The following ADGRL3 variants were observed in gnomAD, a reference collection of about 807,000 sequenced individuals.
ADGRL3 encodes the protein calcium-independent alpha-latrotoxin receptor 3.
Under a neutral mutation model 153.5 loss-of-function variants are expected in ADGRL3, and 62 were observed. That is an observed-to-expected ratio of 0.40 (90% CI 0.33 to 0.50). The LOEUF is 0.50. Among genes scored for constraint, ADGRL3 ranks in the 20% least tolerant of loss-of-function variants. The pLI is 0.47. For missense variants in ADGRL3, 1,641 were observed against 1,859.4 expected (o/e 0.88, Z 2.16); for synonymous variants, 710 against 672.5 (o/e 1.06, Z -0.86).
chr4:61,534,915 G>T (rs1283768836), intron 4 of ADGRL3, among the ~76,000 whole-genome samples: 1 of 151,930 alleles, frequency 6.6e-6, no homozygotes, highest in Non-Finnish European at 1.5e-5. Flanking sequence ...TTCCAATTTG[G>T]ATGCCTGTTA....
At chr4:61,342,802 T>C (rs2095832692) in intron 1 of ADGRL3, among the ~76,000 whole-genome samples, 1 of 152,160 alleles carries the variant, frequency 6.6e-6, no homozygotes, top group South Asian at 2.1e-4. Context: ...CTTAACCATC[T>C]CTAGTAGCCT....
At chr4:61,754,368 TC>T (rs2096794434) in intron 8 of ADGRL3, among the ~76,000 whole-genome samples, 1 of 152,152 alleles carries the variant, frequency 6.6e-6, no homozygotes, top group South Asian at 2.1e-4. Flanking sequence ...ATTTTATTTT[TC>T]TTTATAGTTT....
chr4:61,200,807 A>G lies in ADGRL3; in HGVS notation c.-1198A>G, dbSNP rs1418782050. Among the ~76,000 whole-genome samples, 1 of 150,206 alleles carries G rather than the reference A, an allele frequency of 6.7e-6. No individual in the cohort carries two copies. The highest frequency in any genetic ancestry group is 2.5e-5 in the African/African-American group (1 of 40,804). ...CGAAGAGACAGCGGCGGCGGCGCAG[A>G]GCCCGGGGCCGCGCGATGAAGCTCC... On this transcript the variant is annotated 5_prime_UTR_variant, in exon 1 of 27. Transcript: ENST00000683033.
At chr4:61,630,439 G>T (rs2093090955) in intron 5 of ADGRL3, among the ~76,000 whole-genome samples, 1 of 152,190 alleles carries the variant, frequency 6.6e-6, no homozygotes, top group Non-Finnish European at 1.5e-5. Flanking sequence ...ACTTCATGTT[G>T]TCCTGGGACA....
intron 1 of ADGRL3, among the ~76,000 whole-genome samples, chr4:61,364,319 G>A (rs1335909182): frequency 4.6e-5 from 6 of 129,622 alleles, no homozygotes; most frequent in Admixed American, 1.8e-4. Context: ...GTGACAGAGT[G>A]AGACTCCGTC....
chr4:61,448,452 TAC>T (rs2097615668), intron 2 of ADGRL3, among the ~76,000 whole-genome samples: 1 of 152,188 alleles, frequency 6.6e-6, no homozygotes, highest in Non-Finnish European at 1.5e-5. Flanking sequence ...TTGGGTTAGT[TAC>T]TTTACCTATC....
At chr4:61,339,242 C>T (rs189626094) in intron 1 of ADGRL3, among the ~76,000 whole-genome samples, 62 of 152,170 alleles carry the variant, frequency 4.1e-4, no homozygotes, top group Middle Eastern at 6.8e-3. Context: ...TGAACAACCC[C>T]GTAACACAAT....
intron 25 of ADGRL3, among the ~76,000 whole-genome samples, chr4:62,061,699 T>C (rs555927920): frequency 6.6e-6 from 1 of 152,082 alleles, no homozygotes; most frequent in African/African-American, 2.4e-5. Flanking sequence ...CACGTATAAA[T>C]GGAATTACAC....
intron 2 of ADGRL3, among the ~76,000 whole-genome samples, chr4:61,428,684 T>C (rs942175356): frequency 2.0e-4 from 30 of 152,182 alleles, no homozygotes; most frequent in African/African-American, 7.2e-4. Flanking sequence ...ATTGGAGTGA[T>C]AATAGTGGCC....
intron 8 of ADGRL3, among the ~76,000 whole-genome samples, chr4:61,801,890 A>T (rs754401892): frequency 6.6e-6 from 1 of 152,198 alleles, no homozygotes; most frequent in Non-Finnish European, 1.5e-5. Flanking sequence ...TGTTCTCTGC[A>T]TATATGTAAA....
chr4:61,852,553 G>A (rs977582073), intron 9 of ADGRL3, among the ~76,000 whole-genome samples: 1 of 152,006 alleles, frequency 6.6e-6, no homozygotes, highest in Non-Finnish European at 1.5e-5. Flanking sequence ...GACCTCAAGC[G>A]ATCCGCCCGC....
At position 61,892,843 on chromosome 4, in the gene ADGRL3, G is replaced by A. The variant is rs773511032; in HGVS notation, c.1668G>A (p.Ser556=). The change falls in exon 10 of 27, where the codon TCG becomes TCA. Residue 556 remains serine, a synonymous_variant. Coordinates refer to ENST00000683033, the MANE Select transcript of ADGRL3 (RefSeq NM_001387552.1). ...DDMTTHLPSA[S]SQIPALEESC... ...TGACCACACACCTTCCATCAGCATC[G>A]TCCCAAATCCCAGCTCTCGAAGAGA... 2.4e-5 allele frequency: 38 copies of A among 1,613,380 alleles called. No homozygotes were observed. In the East Asian group the frequency reaches 3.8e-4, roughly 16 times the overall value.
At chr4:61,734,588 G>T (rs1248085206) in intron 8 of ADGRL3, among the ~76,000 whole-genome samples, 2 of 152,108 alleles carry the variant, frequency 1.3e-5, no homozygotes, top group East Asian at 1.9e-4. Context: ...AGGGGAGACT[G>T]CCCCCATGAT....
intron 2 of ADGRL3, among the ~76,000 whole-genome samples, chr4:61,480,325 A>G (rs1027390009): frequency 2.0e-5 from 3 of 152,192 alleles, no homozygotes; most frequent in African/African-American, 7.2e-5. Context: ...GCACAATGCC[A>G]TCCAGGTTCA....
At chr4:61,988,686 A>G (rs1266132087) in intron 19 of ADGRL3, among the ~76,000 whole-genome samples, 1 of 152,170 alleles carries the variant, frequency 6.6e-6, no homozygotes, top group Non-Finnish European at 1.5e-5. Flanking sequence ...TTGATAGTTT[A>G]TAGCATTTTC....
At position 61,360,096 on chromosome 4, in the gene ADGRL3, G is replaced by A. The variant is rs531752364; in HGVS notation, c.-239-23028G>A. 4.6e-5 allele frequency among the ~76,000 whole-genome samples: 7 copies of A among 152,250 alleles called. No individual in the cohort carries two copies. In the South Asian group the frequency reaches 1.5e-3, roughly 32 times the overall value. ...TTAGTGGAGAGGGACATCAGAGTGA[G>A]GGTATTTCTTTCTCTCATTCAATAG... On this transcript the variant is annotated intron_variant, in intron 1 of 26. Coordinates refer to ENST00000683033, the MANE Select transcript of ADGRL3 (RefSeq NM_001387552.1).
chr4:61,412,070 GA>G (rs2097094032), intron 2 of ADGRL3, among the ~76,000 whole-genome samples: 1 of 145,262 alleles, frequency 6.9e-6, no homozygotes, highest in South Asian at 2.3e-4. Flanking sequence ...TCTTGTCTCA[GA>G]AAGCTCAATT....
intron 1 of ADGRL3, among the ~76,000 whole-genome samples, chr4:61,265,342 A>G (rs1039349165): frequency 2.0e-5 from 3 of 151,904 alleles, no homozygotes; most frequent in Non-Finnish European, 4.4e-5. Context: ...GGTTTGATTT[A>G]CTGACTTTTC....
At position 61,202,510 on chromosome 4, in the gene ADGRL3, C is replaced by CG. The variant is rs1735199612; in HGVS notation, c.-240+751dup. Among the ~76,000 whole-genome samples the CG allele has an allele frequency of 6.6e-6, 1 of 151,712 alleles. No homozygotes were observed. ...CGCTGTGCTGGTAGTGGGCACTGGGCGGGGGGCGGCGGTGTTGCACGAATC... is the reference window on the plus strand; with the variant it reads ...CGCTGTGCTGGTAGTGGGCACTGGGCGGGGGGGCGGCGGTGTTGCACGAATC... On this transcript the variant is annotated intron_variant, in intron 1 of 26. Transcript: ENST00000683033. This position sits in a 1 kb window ranked among gnomAD's most constrained non-coding sequence, Gnocchi z 5.0.
Sources: allele counts gnomAD v4.1 joint callset (sites outside exome capture counted in the v4.1 genomes callset), GRCh38; gene constraint gnomAD v4.1.1; non-coding constraint Gnocchi (gnomAD v3.1); transcripts MANE v1.5; gene names NCBI Gene and HGNC (gene_info 2026-07-23, HGNC 2026-07-21).